The following NEO1 variants were observed in gnomAD, a reference collection of about 807,000 sequenced individuals.
The protein encoded by NEO1 is neogenin 1.
A neutral mutation model predicts 159.7 loss-of-function variants in NEO1; 63 were observed. That is an observed-to-expected ratio of 0.39 (90% CI 0.32 to 0.49). The LOEUF is 0.49. Ranked by LOEUF, NEO1 falls within the 20% of genes least tolerant of loss-of-function variation. The pLI is 0.85. For missense variants in NEO1, 1,615 were observed against 1,831.0 expected (o/e 0.88, Z 2.15); for synonymous variants, 633 against 662.0 (o/e 0.96, Z 0.67).
At chr15:73,052,147 G>T (rs1055817797), upstream of NEO1, among the ~76,000 whole-genome samples, 3 of 149,570 alleles carry the variant, frequency 2.0e-5, no homozygotes, top group African/African-American at 7.3e-5. Flanking sequence ...CCCCGCACCC[G>T]TCAGCGGCTC....
intron 22 of NEO1, among the ~76,000 whole-genome samples, chr15:73,282,293 C>T (rs1302406348): frequency 6.6e-6 from 1 of 152,060 alleles, no homozygotes; most frequent in Admixed American, 6.5e-5. Context: ...TCATATTTAT[C>T]GTTTATCCCA....
At chr15:73,179,199 CA>C (rs1282458072) in intron 7 of NEO1, among the ~76,000 whole-genome samples, 1 of 152,038 alleles carries the variant, frequency 6.6e-6, no homozygotes, top group African/African-American at 2.4e-5. Context: ...ATTGGAGTAA[CA>C]AAGGTTTGAC....
At chr15:73,283,785 T>G (rs1211252643) in intron 23 of NEO1, among the ~76,000 whole-genome samples, 1 of 152,166 alleles carries the variant, frequency 6.6e-6, no homozygotes, top group Non-Finnish European at 1.5e-5. Flanking sequence ...CAGGAGTCTG[T>G]GGACATTCTT....
intron 7 of NEO1, among the ~76,000 whole-genome samples, chr15:73,211,133 C>T (rs2037532383): frequency 6.6e-6 from 1 of 152,196 alleles, no homozygotes; most frequent in African/African-American, 2.4e-5. Context: ...AGCACTTGGA[C>T]CTTACTTCTG....
rs1435957162 is a variant in NEO1 at position 73,304,052 on chromosome 15, C to T, written c.*1356C>T. On this transcript the variant is annotated 3_prime_UTR_variant, in exon 29 of 29. Transcript: ENST00000261908. Reference sequence around the variant, plus strand: ...GCTGCAGTGCCCCCTGAGGCTTCCACACATCTTTCTGAATATTATTTTTCA... The same window carrying T: ...GCTGCAGTGCCCCCTGAGGCTTCCATACATCTTTCTGAATATTATTTTTCA... 2 of 152,264 alleles carry T rather than the reference C, an allele frequency of 1.3e-5. No individual in the cohort carries two copies. The highest frequency in any genetic ancestry group is 6.5e-5 in the Admixed American group (1 of 15,288). The allele number at this position is 152,264 out of a possible 1,614,324, so 9.4% of individuals were successfully genotyped here. A position where few individuals can be genotyped will look rare whatever the true frequency, so the allele number is the denominator to read the frequency against.
At chr15:73,216,377 G>A (rs1244548639) in intron 7 of NEO1, among the ~76,000 whole-genome samples, 1 of 152,082 alleles carries the variant, frequency 6.6e-6, no homozygotes, top group African/African-American at 2.4e-5. Flanking sequence ...ATTGTGAATA[G>A]TGCCGCAATA....
intron 7 of NEO1, among the ~76,000 whole-genome samples, chr15:73,226,044 C>T (rs2038571148): frequency 6.6e-6 from 1 of 152,182 alleles, no homozygotes; most frequent in South Asian, 2.1e-4. Flanking sequence ...AAACTTCTCC[C>T]TCAAACAACC....
intron 7 of NEO1, among the ~76,000 whole-genome samples, chr15:73,228,641 A>G (rs1445836951): frequency 1.3e-5 from 2 of 151,618 alleles, no homozygotes; most frequent in Non-Finnish European, 2.9e-5. Context: ...TTATCAGGGC[A>G]TACTTTCTTT....
At chr15:73,163,362 C>A (rs1026593978) in intron 5 of NEO1, among the ~76,000 whole-genome samples, 2 of 152,180 alleles carry the variant, frequency 1.3e-5, no homozygotes, top group Non-Finnish European at 2.9e-5. Flanking sequence ...TAAACCTCCT[C>A]CTTTATTGCC....
At chr15:73,148,315 C>T (rs181402041) in intron 5 of NEO1, among the ~76,000 whole-genome samples, 1 of 152,216 alleles carries the variant, frequency 6.6e-6, no homozygotes, top group Non-Finnish European at 1.5e-5. Flanking sequence ...AATTCCCATT[C>T]TCCTCTTCAA....
At chr15:73,137,929 G>T (rs1202639344) in intron 5 of NEO1, among the ~76,000 whole-genome samples, 2 of 152,168 alleles carry the variant, frequency 1.3e-5, no homozygotes, top group Non-Finnish European at 2.9e-5. Flanking sequence ...GATAGGTATA[G>T]GTAGAAGGAC....
At chr15:73,159,131 C>G (rs1414180531) in intron 5 of NEO1, among the ~76,000 whole-genome samples, 1 of 152,110 alleles carries the variant, frequency 6.6e-6, no homozygotes, top group Non-Finnish European at 1.5e-5. Context: ...GAATACCAAA[C>G]TATGTACAAA....
At chr15:73,274,080 A>G (rs1596553452) in intron 20 of NEO1, 75 bp downstream of exon 20, 3 of 1,379,482 alleles carry the variant, frequency 2.2e-6, no homozygotes, top group Admixed American at 2.0e-5. Context: ...ACTTGAGCAT[A>G]TAGAGTCTGT....
intron 11 of NEO1, 55 bp downstream of exon 11, chr15:73,249,776 AGT>A: frequency 6.5e-7 from 1 of 1,540,388 alleles, no homozygotes; most frequent in Non-Finnish European, 8.7e-7. Flanking sequence ...CTAGTGGTTT[AGT>A]TGTAAGATCA....
At chr15:73,215,657 T>G (rs1445743008) in intron 7 of NEO1, among the ~76,000 whole-genome samples, 1 of 152,222 alleles carries the variant, frequency 6.6e-6, no homozygotes, top group African/African-American at 2.4e-5. Flanking sequence ...GGATTATCTT[T>G]TTGATAAATT....
intron 5 of NEO1, among the ~76,000 whole-genome samples, chr15:73,166,353 G>T (rs771064985): frequency 6.6e-6 from 1 of 152,182 alleles, no homozygotes; most frequent in African/African-American, 2.4e-5. Context: ...TTCTGGGCAT[G>T]TTACCAAACT....
chr15:73,134,544 C>T (rs2031522236), intron 4 of NEO1, among the ~76,000 whole-genome samples: 1 of 151,142 alleles, frequency 6.6e-6, no homozygotes, highest in Admixed American at 6.6e-5. Flanking sequence ...TTTTTTAATC[C>T]TATAAGGAAT....
intron 1 of NEO1, among the ~76,000 whole-genome samples, chr15:73,063,920 C>T (rs545584633): frequency 1.3e-5 from 2 of 152,124 alleles, no homozygotes; most frequent in African/African-American, 4.8e-5. Flanking sequence ...TCATTTATTT[C>T]CTGTTAGATG....
intron 7 of NEO1, among the ~76,000 whole-genome samples, chr15:73,200,775 C>G (rs372363032): frequency 9.4e-4 from 142 of 150,622 alleles, no homozygotes; most frequent in Middle Eastern, 3.4e-3. Context: ...CCTCGACTTC[C>G]TGGGCTCAGG....
Sources: allele counts gnomAD v4.1 joint callset (sites outside exome capture counted in the v4.1 genomes callset), GRCh38; gene constraint gnomAD v4.1.1; transcripts MANE v1.5; gene names NCBI Gene and HGNC (gene_info 2026-07-23, HGNC 2026-07-21).